NNMT: variants seen among roughly 807,000 people sequenced by gnomAD.
NNMT encodes nicotinamide N-methyltransferase.
In NNMT, 10 loss-of-function variants were observed where a neutral mutation model predicts 11.7. That is an observed-to-expected ratio of 0.85 (90% CI 0.53 to 1.45). The LOEUF (loss-of-function observed/expected upper bound fraction) is 1.45. Among genes scored for constraint, NNMT ranks in the 40% most tolerant of loss-of-function variants. The probability of loss-of-function intolerance (pLI) is 0.00; values close to 1 mark genes in which losing one functional copy is unlikely to be tolerated. For missense variants in NNMT, 381 were observed against 319.4 expected, an observed-to-expected ratio of 1.19 and a Z score of -1.47; for synonymous variants, 143 against 133.8, an observed-to-expected ratio of 1.07 and a Z score of -0.48.
chr11:114,308,643 G>A (rs554269302), intron 2 of NNMT, among the ~76,000 whole-genome samples: 6 of 152,168 alleles, frequency 3.9e-5, no homozygotes, highest in East Asian at 1.9e-4. Flanking sequence ...TGACCACACC[G>A]CTGTTAGCTT....
intron 2 of NNMT, among the ~76,000 whole-genome samples, chr11:114,283,230 G>A (rs987946178): frequency 1.3e-5 from 2 of 152,158 alleles, no homozygotes; most frequent in African/African-American, 4.8e-5. Flanking sequence ...GGATGTCTCT[G>A]GAATCATTGT....
chr11:114,276,179 C>T (rs567678363), intron 2 of NNMT, among the ~76,000 whole-genome samples: 70 of 148,016 alleles, frequency 4.7e-4, no homozygotes, highest in Admixed American at 2.0e-3. Flanking sequence ...ACCCAGGGAC[C>T]GTATGCTGCA....
chr11:114,303,554 A>G (rs575748065), intron 2 of NNMT, among the ~76,000 whole-genome samples: 18 of 152,314 alleles, frequency 1.2e-4, no homozygotes, highest in African/African-American at 4.3e-4. Context: ...TGTCAACTGA[A>G]TAGATCTTCA....
chr11:114,292,753 G>A (rs1945343869), upstream of NNMT, among the ~76,000 whole-genome samples: 2 of 152,086 alleles, frequency 1.3e-5, no homozygotes, highest in Admixed American at 6.6e-5. Context: ...ATCTGATTCT[G>A]ACTGTAAATC....
At position 114,275,441 on chromosome 11, in the gene NNMT, G is replaced by T. The variant is rs372656334; in HGVS notation, c.-130+12507G>T. Among the ~76,000 whole-genome samples the T allele has an allele frequency of 2.1e-4, 32 of 152,338 alleles. No homozygotes were observed. In the East Asian group the frequency reaches 4.8e-3, roughly 23 times the overall value. On this transcript the variant is annotated intron_variant, in intron 2 of 4. Coordinates refer to the NNMT transcript ENST00000535401. ...TTAAGTCATGGACCAGGCAGAGAAA[G>T]AATGGGCTGATTGTCAGAAGCACAT... is the stretch of plus-strand genomic sequence containing the variant.
Position 114,297,285 on chromosome 11 carries a change from C to G in NNMT, c.154+575C>G, listed in dbSNP as rs1474538181. The G allele has an allele frequency of 2.0e-5, 3 of 152,200 alleles. No individual in the cohort carries two copies. In the East Asian group the frequency reaches 5.8e-4, roughly 29 times the overall value. The allele number at this position is 152,200 out of a possible 1,614,324, so 9.4% of individuals were successfully genotyped here. A position where few individuals can be genotyped will look rare whatever the true frequency, so the allele number is the denominator to read the frequency against. On this transcript the variant is annotated intron_variant, in intron 1 of 2. Transcript: ENST00000299964. ...AGACCTTAAAATTCCTGGCAACATGCCTCCACCCTGGATTGGGGAATAAAA... is the reference window on the plus strand; with the variant it reads ...AGACCTTAAAATTCCTGGCAACATGGCTCCACCCTGGATTGGGGAATAAAA...
intron 2 of NNMT, among the ~76,000 whole-genome samples, chr11:114,278,670 T>G (rs1945234563): frequency 6.6e-6 from 1 of 151,892 alleles, no homozygotes; most frequent in South Asian, 2.1e-4. Context: ...TGTGTGCACA[T>G]GTATGTGTGG....
chr11:114,261,803 A>G (rs1945085070), intron 1 of NNMT, among the ~76,000 whole-genome samples: 1 of 152,140 alleles, frequency 6.6e-6, no homozygotes, highest in South Asian at 2.1e-4. Flanking sequence ...TTCTTCTCCC[A>G]TCCACCAACT....
At chr11:114,282,434 A>C (rs1030628410) in intron 2 of NNMT, among the ~76,000 whole-genome samples, 1 of 152,230 alleles carries the variant, frequency 6.6e-6, no homozygotes. Context: ...AAGTCTAAAG[A>C]CAAAAAGGAG....
intron 2 of NNMT, among the ~76,000 whole-genome samples, chr11:114,308,952 T>C (rs532385340): frequency 6.6e-6 from 1 of 152,248 alleles, no homozygotes; most frequent in Non-Finnish European, 1.5e-5. Flanking sequence ...TGGGAACAAT[T>C]TGCATCATCA....
At position 114,272,837 on chromosome 11, in the gene NNMT, C is replaced by T. The variant is rs567669342; in HGVS notation, c.-130+9903C>T. Among the ~76,000 whole-genome samples, 4 of 152,272 alleles carry T rather than the reference C, an allele frequency of 2.6e-5. 1 individual carries two copies. The East Asian group carries it at 7.7e-4, about 29-fold the overall frequency. On this transcript the variant is annotated intron_variant, in intron 2 of 4. Coordinates refer to the NNMT transcript ENST00000535401. ...ATTAACAGGAGAAAAAATAACATAACCCACTAGATAGACTTTTCCCACTTA... is the reference window on the plus strand; with the variant it reads ...ATTAACAGGAGAAAAAATAACATAATCCACTAGATAGACTTTTCCCACTTA...
chr11:114,302,104 C>T (rs1945444516), intron 2 of NNMT, among the ~76,000 whole-genome samples: 1 of 152,062 alleles, frequency 6.6e-6, no homozygotes. Context: ...TCCAGACTGA[C>T]AATTTCTGCC....
At chr11:114,284,535 C>T (rs190690190) in intron 2 of NNMT, among the ~76,000 whole-genome samples, 96 of 152,290 alleles carry the variant, frequency 6.3e-4, no homozygotes, top group Middle Eastern at 3.4e-3. Flanking sequence ...GCTATCTTGG[C>T]TCACTGCAAC....
rs561074837 is a variant in NNMT at position 114,287,118 on chromosome 11, A to G, written c.-129-9310A>G. Among the ~76,000 whole-genome samples, 5 of 152,174 alleles carry G rather than the reference A, an allele frequency of 3.3e-5. No individual in the cohort carries two copies. The South Asian group carries it at 8.3e-4, about 25-fold the overall frequency. Reference sequence around the variant, plus strand: ...TATTGATTCACAGAAGTTCTTTGTAAATTCTGTTGTCAGAATTCATAAATT... The same window carrying G: ...TATTGATTCACAGAAGTTCTTTGTAGATTCTGTTGTCAGAATTCATAAATT... On this transcript the variant is annotated intron_variant, in intron 2 of 4. Coordinates refer to the NNMT transcript ENST00000535401.
chr11:114,263,237 A>G (rs1417290285), intron 2 of NNMT, among the ~76,000 whole-genome samples: 1 of 152,234 alleles, frequency 6.6e-6, no homozygotes, highest in Non-Finnish European at 1.5e-5. Flanking sequence ...AAAAGAAAAC[A>G]AGCACCAATG....
chr11:114,258,322 T>C (rs1176171699), intron 1 of NNMT, among the ~76,000 whole-genome samples: 1 of 152,206 alleles, frequency 6.6e-6, no homozygotes, highest in Non-Finnish European at 1.5e-5. Flanking sequence ...CCTTAGCAGC[T>C]CTCCTCCCAG....
At chr11:114,305,029 C>T (rs1945476265) in intron 2 of NNMT, among the ~76,000 whole-genome samples, 1 of 152,232 alleles carries the variant, frequency 6.6e-6, no homozygotes, top group African/African-American at 2.4e-5. Flanking sequence ...GAATGCATAG[C>T]TTAGGCTTGT....
chr11:114,259,141 G>T (rs555460292), intron 1 of NNMT, among the ~76,000 whole-genome samples: 1 of 152,326 alleles, frequency 6.6e-6, no homozygotes, highest in Admixed American at 6.5e-5. Context: ...GCTTCATGCT[G>T]CCTGGCACAT....
chr11:114,307,529 C>G (rs1420287461), intron 2 of NNMT, among the ~76,000 whole-genome samples: 1 of 152,194 alleles, frequency 6.6e-6, no homozygotes, highest in Non-Finnish European at 1.5e-5. Flanking sequence ...CAATTCTTCT[C>G]TGTTCTGCAG....
Sources: gnomAD v4.1 joint callset for allele counts (sites outside exome capture counted in the v4.1 genomes callset) on GRCh38, gnomAD v4.1.1 for gene constraint, MANE v1.5 for transcripts, NCBI Gene and HGNC (gene_info 2026-07-23, HGNC 2026-07-21) for gene names.